SGCD: variants seen among roughly 807,000 people sequenced by gnomAD.
The protein encoded by SGCD is sarcoglycan delta.
Under a neutral mutation model 36.6 loss-of-function variants are expected in SGCD, and 18 were observed. The observed-to-expected ratio is 0.49, with a 90% CI of 0.34 to 0.73. The LOEUF (loss-of-function observed/expected upper bound fraction) is 0.73, where lower values mean the gene tolerates loss of function less well. Among genes scored for constraint, SGCD ranks in the 30% least tolerant of loss-of-function variants. SGCD has a pLI of 0.01. For missense variants in SGCD, 387 were observed against 346.7 expected, an observed-to-expected ratio of 1.12 and a Z score of -0.92; for synonymous variants, 133 against 130.6, an observed-to-expected ratio of 1.02 and a Z score of -0.12.
intron 3 of SGCD, among the ~76,000 whole-genome samples, chr5:156,254,355 C>T (rs1052176021): frequency 6.6e-6 from 1 of 152,140 alleles, no homozygotes; most frequent in African/African-American, 2.4e-5. Flanking sequence ...GGTATATCTC[C>T]TAATGCTATC....
chr5:156,181,194 G>T (rs997711723), intron 3 of SGCD, among the ~76,000 whole-genome samples: 3 of 152,120 alleles, frequency 2.0e-5, no homozygotes, highest in African/African-American at 7.2e-5. Flanking sequence ...ATATTTTGGA[G>T]AATTGTTTTC....
chr5:156,021,215 T>C (rs555878842), intron 1 of SGCD, among the ~76,000 whole-genome samples: 1 of 152,308 alleles, frequency 6.6e-6, no homozygotes, highest in African/African-American at 2.4e-5. Context: ...GAAAAGGAGT[T>C]GTGTAGGGGC....
In SGCD at chr5:156,472,342, C is replaced by T. The variant is rs180814548; in HGVS notation, c.193-36259C>T. Among the ~76,000 whole-genome samples, 411 of 152,278 alleles carry T rather than the reference C, an allele frequency of 2.7e-3. 2 individuals are homozygous for T. Among genetic ancestry groups the T allele is most frequent in the Non-Finnish European group, 4.1e-3 (279 of 68,016 alleles). ...AAAAATAGAAATAAATATTCATCAA[C>T]AGAAGAATGGATACATTTTGGTATA... On this transcript the variant is annotated intron_variant, in intron 3 of 8. Coordinates refer to ENST00000337851, the MANE Select transcript of SGCD (RefSeq NM_000337.6).
intron 1 of SGCD, among the ~76,000 whole-genome samples, chr5:155,892,107 C>T (rs1196642319): frequency 6.6e-6 from 1 of 151,956 alleles, no homozygotes; most frequent in Non-Finnish European, 1.5e-5. Flanking sequence ...GTAGTCTGTT[C>T]TTTGTCTTGG....
At chr5:156,361,952 T>G (rs1561645125) in intron 3 of SGCD, among the ~76,000 whole-genome samples, 2 of 152,202 alleles carry the variant, frequency 1.3e-5, no homozygotes, top group Non-Finnish European at 2.9e-5. Flanking sequence ...AAGGCAAATT[T>G]TAGTAGAAGC....
At chr5:156,259,922 CT>C (rs2127664688) in intron 3 of SGCD, among the ~76,000 whole-genome samples, 1 of 152,248 alleles carries the variant, frequency 6.6e-6, no homozygotes, top group Non-Finnish European at 1.5e-5. Context: ...TGCGGCTGGG[CT>C]TTCTAGCTTC....
At chr5:156,476,001 G>A (rs904630562) in intron 3 of SGCD, among the ~76,000 whole-genome samples, 3 of 152,208 alleles carry the variant, frequency 2.0e-5, no homozygotes, top group Non-Finnish European at 4.4e-5. Flanking sequence ...GCAATTGTCT[G>A]CTTTGTTTTG....
chr5:156,354,264 G>A (rs559092818), intron 3 of SGCD, among the ~76,000 whole-genome samples: 4 of 152,152 alleles, frequency 2.6e-5, no homozygotes, highest in Non-Finnish European at 4.4e-5. Flanking sequence ...GTGTGGTGGT[G>A]GAAGCAGAGA....
intron 1 of SGCD, among the ~76,000 whole-genome samples, chr5:155,915,320 T>C (rs1756713757): frequency 6.6e-6 from 1 of 152,120 alleles, no homozygotes; most frequent in Admixed American, 6.6e-5. Flanking sequence ...GGTTTTTCGT[T>C]CCCCAAGAAC....
chr5:156,507,080 A>G (rs1298984765), intron 3 of SGCD, among the ~76,000 whole-genome samples: 10 of 152,220 alleles, frequency 6.6e-5, no homozygotes, highest in Non-Finnish European at 1.2e-4. Context: ...CTCCACCTCA[A>G]AGATGTTCAT....
At chr5:156,234,433 T>A (rs937602147) in intron 3 of SGCD, among the ~76,000 whole-genome samples, 4 of 152,196 alleles carry the variant, frequency 2.6e-5, no homozygotes, top group African/African-American at 9.6e-5. Context: ...GGAGCACAGA[T>A]GAGAGGCTTG....
intron 1 of SGCD, among the ~76,000 whole-genome samples, chr5:156,043,568 AG>A (rs1759688623): frequency 1.3e-5 from 2 of 152,178 alleles, no homozygotes; most frequent in African/African-American, 4.8e-5. Context: ...CTTTCTCAGC[AG>A]AGAAAGAACA....
Position 156,759,322 on chromosome 5 carries a change from G to A in SGCD, c.805G>A (p.Gly269Arg). The A allele has an allele frequency of 6.2e-7, 1 of 1,613,480 alleles. No individual in the cohort carries two copies. The highest frequency in any genetic ancestry group is 1.1e-5 in the South Asian group (1 of 91,024). Reference protein sequence around the residue: ...KVFEICVCANGRLFLSQAGAG... With the variant: ...KVFEICVCANRRLFLSQAGAG... Reference sequence around the variant, plus strand: ...CTTCGAGATCTGCGTCTGCGCCAATGGGAGATTATTCCTGTCTCAGGCAGG... The same window carrying A: ...CTTCGAGATCTGCGTCTGCGCCAATAGGAGATTATTCCTGTCTCAGGCAGG... The change falls in exon 9 of 9, where the codon GGG (glycine) becomes AGG (arginine). Residue 269 changes from glycine (G) to arginine (R), a missense_variant. Physicochemically the swap from Gly to Arg is moderately radical, Grantham distance 125. Coordinates refer to ENST00000337851, the MANE Select transcript of SGCD (RefSeq NM_000337.6).
chr5:156,498,284 C>T (rs1433833865), intron 3 of SGCD, among the ~76,000 whole-genome samples: 3 of 149,030 alleles, frequency 2.0e-5, no homozygotes, highest in African/African-American at 2.5e-5. Context: ...AAAAACACCT[C>T]GTTAGGGTTA....
At chr5:156,124,186 A>G (rs1762113830) in intron 3 of SGCD, among the ~76,000 whole-genome samples, 1 of 152,170 alleles carries the variant, frequency 6.6e-6, no homozygotes, top group African/African-American at 2.4e-5. Context: ...CACTTATGGG[A>G]TGTGTTACCA....
At chr5:156,315,304 C>A (rs1205226729) in intron 3 of SGCD, among the ~76,000 whole-genome samples, 1 of 151,178 alleles carries the variant, frequency 6.6e-6, no homozygotes, top group Non-Finnish European at 1.5e-5. Context: ...TAGAATCATG[C>A]AGTATTTGTC....
chr5:156,754,243 G>T (rs1757257987), intron 7 of SGCD, among the ~76,000 whole-genome samples: 1 of 152,158 alleles, frequency 6.6e-6, no homozygotes, highest in African/African-American at 2.4e-5. Context: ...TGCCAGTCCT[G>T]CATCTGATAA....
At chr5:155,814,017 A>G in the SGCD span, among the ~76,000 whole-genome samples, 3 of 152,188 alleles carry the variant, frequency 2.0e-5, no homozygotes, top group South Asian at 2.1e-4. Flanking sequence ...ACTATGAAAC[A>G]ATAATTTTCA....
At chr5:156,376,467 C>A (rs887450485) in intron 3 of SGCD, among the ~76,000 whole-genome samples, 3 of 152,128 alleles carry the variant, frequency 2.0e-5, no homozygotes, top group African/African-American at 7.2e-5. Context: ...AACTAATCTC[C>A]AGAAGTCTAT....
Sources: gnomAD v4.1 joint callset for allele counts (sites outside exome capture counted in the v4.1 genomes callset) on GRCh38, gnomAD v4.1.1 for gene constraint, MANE v1.5 for transcripts, NCBI Gene and HGNC (gene_info 2026-07-23, HGNC 2026-07-21) for gene names.